Variants in HECW2 observed in about 807,000 individuals in gnomAD.
HECW2 encodes the protein E3 ubiquitin-protein ligase HECW2.
Under a neutral mutation model 175.2 loss-of-function variants are expected in HECW2, and 61 were observed. That is an observed-to-expected ratio of 0.35 (90% CI 0.28 to 0.43). The LOEUF is 0.43. HECW2 is among the 20% of genes least tolerant of loss of function. The pLI is 1.00. For synonymous variants in HECW2, 671 were observed against 731.0 expected, an observed-to-expected ratio of 0.92 and a Z score of 1.32; for missense variants, 1,524 against 2,000.5, an observed-to-expected ratio of 0.76 and a Z score of 4.54.
intron 17 of HECW2, chr2:196,258,212 C>G (rs1575309824): frequency 3.6e-6 from 1 of 280,434 alleles, no homozygotes; most frequent in East Asian, 7.7e-5. Flanking sequence ...AAATCAGTGT[C>G]TGCTTTGAGT....
At chr2:196,461,309 A>T (rs1696734278) in intron 1 of HECW2, among the ~76,000 whole-genome samples, 1 of 152,206 alleles carries the variant, frequency 6.6e-6, no homozygotes. Context: ...ATAAGATACT[A>T]TACTACTACA....
At chr2:196,304,927 C>T (rs982454222) in intron 13 of HECW2, among the ~76,000 whole-genome samples, 3 of 152,258 alleles carry the variant, frequency 2.0e-5, no homozygotes, top group South Asian at 4.1e-4. Context: ...CTTCACGAAT[C>T]GATTGTTTTG....
intron 19 of HECW2, 109 bp downstream of exon 19, chr2:196,253,811 A>G: frequency 1.0e-6 from 1 of 982,180 alleles, no homozygotes. Context: ...GCTAACACCA[A>G]AGATGTACCT....
chr2:196,279,952 A>G (rs1254137544), intron 14 of HECW2, among the ~76,000 whole-genome samples: 2 of 152,242 alleles, frequency 1.3e-5, no homozygotes, highest in Non-Finnish European at 2.9e-5. Flanking sequence ...CATTGCAGTA[A>G]GATGGACTAC....
chr2:196,307,078 G>C, intron 12 of HECW2, 52 bp downstream of exon 12: 1 of 1,273,016 alleles, frequency 7.9e-7, no homozygotes, highest in Non-Finnish European at 1.1e-6. Context: ...ATCCTTATTT[G>C]CTTCTTTTTC....
intron 28 of HECW2, among the ~76,000 whole-genome samples, chr2:196,213,190 G>A (rs1158008002): frequency 6.6e-6 from 1 of 152,182 alleles, no homozygotes; most frequent in African/African-American, 2.4e-5. Flanking sequence ...ATGCAATTAA[G>A]TTCTTTTAAT....
At chr2:196,338,564 T>C (rs1692636249) in intron 3 of HECW2, among the ~76,000 whole-genome samples, 1 of 152,242 alleles carries the variant, frequency 6.6e-6, no homozygotes, top group Non-Finnish European at 1.5e-5. Flanking sequence ...AGCCACTCCC[T>C]GCAAGAAATG....
At chr2:196,580,978 T>C (rs1166657994) in intron 1 of HECW2, among the ~76,000 whole-genome samples, 2 of 152,162 alleles carry the variant, frequency 1.3e-5, no homozygotes, top group African/African-American at 4.8e-5. Context: ...AGGAGTGAAG[T>C]AGTGACACAT....
At chr2:196,544,754 C>A (rs1187378248) in intron 1 of HECW2, among the ~76,000 whole-genome samples, 3 of 152,148 alleles carry the variant, frequency 2.0e-5, no homozygotes, top group Admixed American at 6.5e-5. Context: ...TGTTGCCATG[C>A]CCTTTTTAAA....
At chr2:196,307,430 C>G (rs969414093) in intron 11 of HECW2, among the ~76,000 whole-genome samples, 197 bp from the exon 12 acceptor site, 2 of 152,264 alleles carry the variant, frequency 1.3e-5, no homozygotes, top group Middle Eastern at 3.4e-3. Flanking sequence ...GTTTGGGGAA[C>G]ATCTTCCTGG....
intron 13 of HECW2, among the ~76,000 whole-genome samples, chr2:196,295,154 C>G (rs546310605): frequency 4.4e-4 from 67 of 152,196 alleles, no homozygotes; most frequent in African/African-American, 1.6e-3. Context: ...TGGCTGTGAG[C>G]AGTTGTGTGG....
At chr2:196,541,243 CT>C (rs894503337) in intron 1 of HECW2, among the ~76,000 whole-genome samples, 44 of 151,882 alleles carry the variant, frequency 2.9e-4, no homozygotes, top group Admixed American at 1.5e-3. Flanking sequence ...GCCAGCTCTA[CT>C]TGTTATTGTA....
At chr2:196,203,780 C>T (rs888730419) in intron 28 of HECW2, among the ~76,000 whole-genome samples, 3 of 152,158 alleles carry the variant, frequency 2.0e-5, no homozygotes, top group Admixed American at 1.3e-4. Context: ...AGTACACCTA[C>T]GTTATTTTGC....
At position 196,194,912 on chromosome 2, in the gene HECW2, A is replaced by AT. The variant is rs1008652177; in HGVS notation, c.*6364dup. ...GTGTTCTACTGAAATCTTAGAAATA[A>AT]TTTTTTTACAGAGCCTTAATATTAA... On this transcript the variant is annotated 3_prime_UTR_variant, in exon 29 of 29. Transcript: ENST00000644978. 8 of 152,154 alleles carry AT rather than the reference A, an allele frequency of 5.3e-5. No homozygotes were observed. The highest frequency in any genetic ancestry group is 1.2e-4 in the African/African-American group (5 of 41,438). The allele number at this position is 152,154 out of a possible 1,614,324, so 9.4% of individuals were successfully genotyped here.
chr2:196,249,131 A>G (rs1688766436), intron 19 of HECW2, among the ~76,000 whole-genome samples: 1 of 152,244 alleles, frequency 6.6e-6, no homozygotes, highest in Non-Finnish European at 1.5e-5. Flanking sequence ...GGTTACCTGG[A>G]AAATCCACAT....
In HECW2 at chr2:196,225,840, A is replaced by G. The variant is rs375875242; in HGVS notation, c.3948T>C (p.Leu1316=). ...WFRFSGRILG[L]ALIHQYLLDA... is the part of the protein sequence containing the mutation. ...CCAACAAATACTGGTGTATTAGTGC[A>G]AGACCAAGGATCCTACCACTGAATC... Residue 1316 remains leucine, a synonymous_variant, in exon 23 of 29, where the codon CTT becomes CTC. Coordinates refer to ENST00000644978, the MANE Select transcript of HECW2 (RefSeq NM_001348768.2). 6.2e-7 allele frequency: 1 copy of G among 1,612,718 alleles called. No individual in the cohort carries two copies. Among genetic ancestry groups the G allele is most frequent in the Non-Finnish European group, 8.5e-7 (1 of 1,178,730 alleles).
intron 2 of HECW2, among the ~76,000 whole-genome samples, chr2:196,365,007 A>G (rs1693706598): frequency 6.6e-6 from 1 of 152,246 alleles, no homozygotes; most frequent in African/African-American, 2.4e-5. Flanking sequence ...TCCCCCAATT[A>G]TCTTTCCCAT....
At chr2:196,396,527 T>A (rs1694664637) in intron 2 of HECW2, among the ~76,000 whole-genome samples, 1 of 152,186 alleles carries the variant, frequency 6.6e-6, no homozygotes, top group Non-Finnish European at 1.5e-5. Context: ...GGTTGCAACA[T>A]ATAAGACCAT....
chr2:196,361,937 G>T, intron 2 of HECW2: 2 of 985,404 alleles, frequency 2.0e-6, no homozygotes, highest in Non-Finnish European at 2.4e-6. Context: ...TTCATTCATA[G>T]GAGCAGCCAG....
Sources: gnomAD v4.1 joint callset for allele counts (sites outside exome capture counted in the v4.1 genomes callset) on GRCh38, gnomAD v4.1.1 for gene constraint, MANE v1.5 for transcripts, NCBI Gene and HGNC (gene_info 2026-07-23, HGNC 2026-07-21) for gene names.